Variants in PHLDB1 observed in about 807,000 individuals in gnomAD.
The protein encoded by PHLDB1 is pleckstrin homology-like domain family B member 1.
A neutral mutation model predicts 139.3 loss-of-function variants in PHLDB1; 65 were observed. The observed-to-expected ratio is 0.47, with a 90% CI of 0.38 to 0.57. The LOEUF (loss-of-function observed/expected upper bound fraction) is 0.57, where lower values mean the gene tolerates loss of function less well. PHLDB1 is among the 20% of genes least tolerant of loss of function. The probability of loss-of-function intolerance (pLI) is 0.00; values close to 1 mark genes in which losing one functional copy is unlikely to be tolerated. For missense variants in PHLDB1, 1,624 were observed against 1,839.7 expected, an observed-to-expected ratio of 0.88 and a Z score of 2.14; for synonymous variants, 679 against 734.5, an observed-to-expected ratio of 0.92 and a Z score of 1.22.
intron 9 of PHLDB1, chr11:118,634,153 CAG>C (rs1555113331): frequency 6.6e-6 from 1 of 152,260 alleles, no homozygotes; most frequent in African/African-American, 2.4e-5. Flanking sequence ...TTCCCACCCT[CAG>C]AGGTGTCATC....
chr11:118,642,865 G>A (rs1440173431), intron 13 of PHLDB1, among the ~76,000 whole-genome samples: 1 of 152,212 alleles, frequency 6.6e-6, no homozygotes, highest in Non-Finnish European at 1.5e-5. Flanking sequence ...AAAACAAAGG[G>A]CAAAGACTCT....
chr11:118,623,132 A>C (rs1555096688), intron 4 of PHLDB1, among the ~76,000 whole-genome samples: 1 of 152,198 alleles, frequency 6.6e-6, no homozygotes, highest in African/African-American at 2.4e-5. Context: ...GCCTGAGCTG[A>C]ACTGTCTCAG....
At position 118,635,401 on chromosome 11, in the gene PHLDB1, G is replaced by C. The variant is rs782438734; in HGVS notation, c.2388G>C (p.Glu796Asp). ...TGTCACTGTCGTTGAAGGAGGCAGA[G>C]GCCCTGGAGACTGAGACAAAGCTCT... ...GIQKERDKEA[E>D]ALETETKLFE... Residue 796 changes from glutamate (E) to aspartate (D), a missense_variant, in exon 10 of 23, where the codon GAG becomes GAC. Glu to Asp is a conservative substitution (Grantham distance 45). Coordinates refer to ENST00000600882, the MANE Select transcript of PHLDB1 (RefSeq NM_001144758.3). 7.5e-6 allele frequency: 12 copies of C among 1,590,886 alleles called. No individual in the cohort carries two copies. Among genetic ancestry groups the C allele is most frequent in the Non-Finnish European group, 1.0e-5 (12 of 1,170,384 alleles).
Position 118,614,545 on chromosome 11 carries a change from C to T in PHLDB1, c.61-14C>T, listed in dbSNP as rs781874007. 4.3e-6 allele frequency: 7 copies of T among 1,613,270 alleles called. No homozygotes were observed. The highest frequency in any genetic ancestry group is 1.7e-4 in the Middle Eastern group (1 of 6,060). ...AATCTAATGATGCTTGTCCTCCACC[C>T]GTACTACCTACAGAAAGGACCCTTG... On this transcript the variant is annotated splice_polypyrimidine_tract_variant and intron_variant, in intron 2 of 22. Coordinates refer to ENST00000600882, the MANE Select transcript of PHLDB1 (RefSeq NM_001144758.3).
At chr11:118,612,754 C>T (rs1205742893) in intron 1 of PHLDB1, among the ~76,000 whole-genome samples, 1 of 152,238 alleles carries the variant, frequency 6.6e-6, no homozygotes, top group Non-Finnish European at 1.5e-5. Context: ...CCCCTACTTC[C>T]TTTCCAAGTC....
At chr11:118,619,758 G>C (rs1942385651) in intron 4 of PHLDB1, among the ~76,000 whole-genome samples, 1 of 152,230 alleles carries the variant, frequency 6.6e-6, no homozygotes, top group Admixed American at 6.5e-5. Flanking sequence ...GCACATGTGA[G>C]CGTGTGCATG....
At chr11:118,609,398 C>G (rs1279300879) in intron 1 of PHLDB1, among the ~76,000 whole-genome samples, 4 of 148,832 alleles carry the variant, frequency 2.7e-5, no homozygotes, top group African/African-American at 1.0e-4. Flanking sequence ...CACAGCCCAG[C>G]TGACACACGC....
At chr11:118,635,259 C>G in intron 9 of PHLDB1, 134 bp from the exon 10 acceptor site, 1 of 1,034,702 alleles carries the variant, frequency 9.7e-7, no homozygotes, top group Non-Finnish European at 1.4e-6. Context: ...ACAGCGGGAG[C>G]TGGGGGGAGG....
chr11:118,611,115 C>A lies in PHLDB1; in HGVS notation c.-21-2701C>A. ...CGTCCCTCGCGTAGCGCCACTCAGCCGCCGGGGCCAGAGCGGGAGTCAAGG... is the reference window on the plus strand; with the variant it reads ...CGTCCCTCGCGTAGCGCCACTCAGCAGCCGGGGCCAGAGCGGGAGTCAAGG... On this transcript the variant is annotated intron_variant, in intron 1 of 22. Coordinates refer to ENST00000600882, the MANE Select transcript of PHLDB1 (RefSeq NM_001144758.3). This position sits in a 1 kb window ranked among gnomAD's most constrained non-coding sequence, Gnocchi z 4.7. 6.6e-6 allele frequency among the ~76,000 whole-genome samples: 1 copy of A among 152,164 alleles called. No individual in the cohort carries two copies. The highest frequency in any genetic ancestry group is 1.9e-4 in the East Asian group (1 of 5,174).
chr11:118,616,439 C>T (rs1221572332), intron 4 of PHLDB1, among the ~76,000 whole-genome samples: 6 of 152,138 alleles, frequency 3.9e-5, no homozygotes, highest in African/African-American at 1.4e-4. Context: ...CAACCTGTCT[C>T]CACATACTAT....
intron 21 of PHLDB1, 71 bp from the exon 22 acceptor site, chr11:118,655,789 T>TA: frequency 6.6e-7 from 1 of 1,511,914 alleles, no homozygotes; most frequent in Non-Finnish European, 9.2e-7. Flanking sequence ...GCCTGCCCTC[T>TA]ACAGAGGCTC....
At chr11:118,627,116 G>A (rs1264654840) in intron 5 of PHLDB1, 189 bp from the exon 6 acceptor site, 4 of 599,462 alleles carry the variant, frequency 6.7e-6, no homozygotes, top group East Asian at 5.7e-5. Flanking sequence ...AGGAGAAACT[G>A]AGGACAAGTG....
chr11:118,643,527 C>T (rs1946929194), intron 13 of PHLDB1: 1 of 985,408 alleles, frequency 1.0e-6, no homozygotes. Flanking sequence ...GCCTGACTGA[C>T]ATTAAATCCT....
chr11:118,655,352 G>T (rs1555140902), intron 20 of PHLDB1: 3 of 371,440 alleles, frequency 8.1e-6, no homozygotes, highest in Non-Finnish European at 1.5e-5. Context: ...TTTGTTGTAT[G>T]TTTTTGTCAT....
chr11:118,648,112 G>C, intron 18 of PHLDB1, 36 bp downstream of exon 18: 1 of 1,600,936 alleles, frequency 6.2e-7, no homozygotes, highest in African/African-American at 1.3e-5. Context: ...TGGTTGGTTT[G>C]ACGGTGAGGG....
At position 118,627,811 on chromosome 11, in the gene PHLDB1, C is replaced by T. The variant is rs1555104186; in HGVS notation, c.988C>T (p.Leu330=). ...GCCTCCCAGCCCTGGCCTCCGGGGT[C>T]TGCTGACAGACAGCCCTGCAGCTAC... is the stretch of plus-strand genomic sequence containing the variant. ...ERPPSPGLRG[L]LTDSPAATVL... The change falls in exon 6 of 23, where the codon CTG becomes TTG. Residue 330 remains leucine (L), a synonymous_variant. Transcript: ENST00000600882. 6.2e-7 allele frequency: 1 copy of T among 1,605,018 alleles called. No homozygotes were observed. Among genetic ancestry groups the T allele is most frequent in the African/African-American group, 1.3e-5 (1 of 75,004 alleles).
chr11:118,629,898 C>A, intron 6 of PHLDB1: 1 of 654,952 alleles, frequency 1.5e-6, no homozygotes, highest in Non-Finnish European at 2.3e-6. Flanking sequence ...CCTGACCTGC[C>A]TCACCTGCCA....
rs1555081034 is a variant in PHLDB1, at chr11:118,608,778, C to A, written c.-22+1079C>A. Among the ~76,000 whole-genome samples the A allele has an allele frequency of 6.6e-6, 1 of 152,150 alleles. No individual in the cohort carries two copies. The highest frequency in any genetic ancestry group is 1.5e-5 in the Non-Finnish European group (1 of 68,018). ...GACACACCCGGACCCGCCCACACGCCGAGGCCTTCCCACGCACTCCATGCC... is the reference window on the plus strand; with the variant it reads ...GACACACCCGGACCCGCCCACACGCAGAGGCCTTCCCACGCACTCCATGCC... On this transcript the variant is annotated intron_variant, in intron 1 of 22. Transcript: ENST00000600882. This position sits in a 1 kb window ranked among gnomAD's most constrained non-coding sequence, Gnocchi z 6.7.
At chr11:118,626,754 A>C (rs1049569150) in intron 5 of PHLDB1, among the ~76,000 whole-genome samples, 3 of 151,910 alleles carry the variant, frequency 2.0e-5, no homozygotes, top group African/African-American at 7.2e-5. Flanking sequence ...CCTGGGTTCA[A>C]GCGATTCTCA....
Sources: gnomAD v4.1 joint callset for allele counts (sites outside exome capture counted in the v4.1 genomes callset) on GRCh38, gnomAD v4.1.1 for gene constraint, Gnocchi (gnomAD v3.1) non-coding constraint, MANE v1.5 for transcripts, NCBI Gene and HGNC (gene_info 2026-07-23, HGNC 2026-07-21) for gene names.